Variants in ESRRG observed in about 807,000 individuals in gnomAD.
The protein encoded by ESRRG is estrogen-related receptor gamma.
In ESRRG, 13 loss-of-function variants were observed where a neutral mutation model predicts 44.0. That is an observed-to-expected ratio of 0.30 (90% CI 0.19 to 0.47). ESRRG has a LOEUF of 0.47. Among genes scored for constraint, ESRRG ranks in the 20% least tolerant of loss-of-function variants. ESRRG has a pLI of 1.00. For missense variants in ESRRG, 395 were observed against 580.6 expected (o/e 0.68, Z 3.29); for synonymous variants, 215 against 214.6 (o/e 1.00, Z -0.02).
intron 3 of ESRRG, among the ~76,000 whole-genome samples, chr1:216,638,861 C>A (rs1290739552): frequency 6.6e-6 from 1 of 152,140 alleles, no homozygotes; most frequent in South Asian, 2.1e-4. Context: ...GCAGAATAAC[C>A]TCACCCCAAC....
intron 2 of ESRRG, among the ~76,000 whole-genome samples, chr1:216,774,835 C>T (rs2093537363): frequency 8.5e-6 from 1 of 117,150 alleles, no homozygotes; most frequent in Non-Finnish European, 1.7e-5. Flanking sequence ...GCTCTGTCAA[C>T]CAGGCTGGAG....
At chr1:217,034,543 G>A (rs2082555273) in intron 1 of ESRRG, among the ~76,000 whole-genome samples, 1 of 152,206 alleles carries the variant, frequency 6.6e-6, no homozygotes, top group Non-Finnish European at 1.5e-5. Context: ...TCTGCAGCAA[G>A]CTTCACTCTG....
chr1:216,546,150 G>C (rs1462300537), intron 5 of ESRRG, among the ~76,000 whole-genome samples: 1 of 152,026 alleles, frequency 6.6e-6, no homozygotes, highest in African/African-American at 2.4e-5. Context: ...TTTAGCGGCA[G>C]CTCTGGCCTC....
intron 2 of ESRRG, among the ~76,000 whole-genome samples, chr1:216,868,249 A>C (rs1056263983): frequency 6.6e-6 from 1 of 151,844 alleles, no homozygotes; most frequent in East Asian, 1.9e-4. Context: ...CACCATGCCC[A>C]GTTAATTTAT....
chr1:216,588,642 A>G (rs1294258857), intron 3 of ESRRG, among the ~76,000 whole-genome samples: 1 of 152,228 alleles, frequency 6.6e-6, no homozygotes. Flanking sequence ...TCTGCTTTAT[A>G]GGCTCAGAGA....
chr1:216,926,966 A>G (rs940009592), intron 2 of ESRRG, among the ~76,000 whole-genome samples: 1 of 152,142 alleles, frequency 6.6e-6, no homozygotes, highest in African/African-American at 2.4e-5. Context: ...TTTCATGGAC[A>G]CTCTGTCTCA....
chr1:216,520,534 A>T (rs1168186452), intron 5 of ESRRG, among the ~76,000 whole-genome samples: 3 of 152,154 alleles, frequency 2.0e-5, no homozygotes, highest in African/African-American at 7.2e-5. Flanking sequence ...ATATATATTT[A>T]TATATCAGAG....
intron 1 of ESRRG, among the ~76,000 whole-genome samples, chr1:217,125,029 C>A (rs1356974526): frequency 6.6e-6 from 1 of 152,128 alleles, no homozygotes; most frequent in Admixed American, 6.5e-5. Context: ...TCCAGGGATC[C>A]ACTCCATTTC....
At chr1:217,117,128 T>C (rs2102482895) in intron 1 of ESRRG, among the ~76,000 whole-genome samples, 1 of 152,310 alleles carries the variant, frequency 6.6e-6, no homozygotes, top group Admixed American at 6.5e-5. Context: ...TTGTCATAAT[T>C]GGGTTCAAAT....
At chr1:216,954,566 T>C (rs2067593209) in intron 1 of ESRRG, among the ~76,000 whole-genome samples, 1 of 152,186 alleles carries the variant, frequency 6.6e-6, no homozygotes, top group Non-Finnish European at 1.5e-5. Context: ...TTTAGGCATA[T>C]GTAAATAAGA....
Position 216,504,862 on chromosome 1 carries a change from T to C in ESRRG, c.*2077A>G, listed in dbSNP as rs1251115411. 2 of 152,620 alleles carry C rather than the reference T, an allele frequency of 1.3e-5. No individual in the cohort carries two copies. Among genetic ancestry groups the C allele is most frequent in the African/African-American group, 4.8e-5 (2 of 41,450 alleles). The allele number at this position is 152,620 out of a possible 1,614,324, so 9.5% of individuals were successfully genotyped here. ...TGAATACTTGTTTGGAGTTTCAATC[T>C]CTTAATTATTATTAGGAAGAACCTT... On this transcript the variant is annotated 3_prime_UTR_variant, in exon 7 of 7. Coordinates refer to ENST00000408911, the MANE Select transcript of ESRRG (RefSeq NM_001438.4).
intron 2 of ESRRG, among the ~76,000 whole-genome samples, chr1:216,868,875 ATGTC>A (rs1385324686): frequency 1.3e-5 from 2 of 152,132 alleles, no homozygotes; most frequent in Non-Finnish European, 2.9e-5. Flanking sequence ...CTTTCTTAAA[ATGTC>A]TGTTCAAGTC....
chr1:216,698,323 C>T (rs2151831520), intron 1 of ESRRG, among the ~76,000 whole-genome samples: 1 of 152,082 alleles, frequency 6.6e-6, no homozygotes, highest in Non-Finnish European at 1.5e-5. Flanking sequence ...CGAGACCATC[C>T]TGGCTAACAT....
intron 2 of ESRRG, among the ~76,000 whole-genome samples, chr1:216,865,643 A>G (rs1238467067): frequency 1.3e-5 from 2 of 152,176 alleles, no homozygotes; most frequent in Non-Finnish European, 2.9e-5. Flanking sequence ...GAACAATACA[A>G]AATTCCAATG....
intron 3 of ESRRG, among the ~76,000 whole-genome samples, chr1:216,635,545 A>G (rs1039121261): frequency 6.6e-6 from 1 of 152,084 alleles, no homozygotes; most frequent in African/African-American, 2.4e-5. Flanking sequence ...TTCATAAATT[A>G]CTCCTGAGAA....
chr1:216,520,057 T>C (rs1189450644), intron 5 of ESRRG, among the ~76,000 whole-genome samples: 1 of 152,116 alleles, frequency 6.6e-6, no homozygotes. Context: ...GAAAGTGTAA[T>C]ATGTAGCAGC....
At chr1:217,059,276 GCTATAGTGTAA>G (rs1316566262) in intron 1 of ESRRG, among the ~76,000 whole-genome samples, 1 of 151,292 alleles carries the variant, frequency 6.6e-6, no homozygotes, top group Non-Finnish European at 1.5e-5. Flanking sequence ...AATAAAGTAA[GCTATAGTGTAA>G]CTATAGTATA....
chr1:217,104,850 TG>T (rs1266841868), intron 1 of ESRRG, among the ~76,000 whole-genome samples: 1 of 152,228 alleles, frequency 6.6e-6, no homozygotes, highest in East Asian at 1.9e-4. Context: ...ATAAACTCTA[TG>T]GTTTCAGATG....
chr1:216,509,675 A>G (rs2042158574), intron 6 of ESRRG, among the ~76,000 whole-genome samples: 1 of 152,236 alleles, frequency 6.6e-6, no homozygotes, highest in Admixed American at 6.5e-5. Flanking sequence ...TTAGCATGAG[A>G]GATTTAAAAA....
Sources: gnomAD v4.1 joint callset for allele counts (sites outside exome capture counted in the v4.1 genomes callset) on GRCh38, gnomAD v4.1.1 for gene constraint, MANE v1.5 for transcripts, NCBI Gene and HGNC (gene_info 2026-07-23, HGNC 2026-07-21) for gene names.